PRKG1: variants seen among roughly 807,000 people sequenced by gnomAD.
The protein encoded by PRKG1 is cGMP-dependent protein kinase 1.
Under a neutral mutation model 88.1 loss-of-function variants are expected in PRKG1, and 35 were observed. The ratio of observed to expected loss-of-function variants is 0.40; its 90% CI spans 0.30 to 0.53. PRKG1 has a LOEUF of 0.53. Ranked by LOEUF, PRKG1 falls within the 20% of genes least tolerant of loss-of-function variation. The pLI is 0.59. For missense variants in PRKG1, 540 were observed against 839.8 expected (o/e 0.64, Z 4.41); for synonymous variants, 303 against 292.5 (o/e 1.04, Z -0.37).
chr10:51,351,959 T>C (rs1842258150), intron 2 of PRKG1, among the ~76,000 whole-genome samples: 1 of 152,254 alleles, frequency 6.6e-6, no homozygotes, highest in Admixed American at 6.5e-5. Context: ...GTTTTCTGCA[T>C]ATGGCTAGCC....
chr10:51,710,805 C>T (rs906499720), intron 3 of PRKG1, among the ~76,000 whole-genome samples: 2 of 152,018 alleles, frequency 1.3e-5, no homozygotes, highest in Non-Finnish European at 2.9e-5. Context: ...GTCAATGTGC[C>T]TGTTGATGCC....
chr10:51,233,235 G>A (rs931667061), intron 2 of PRKG1, among the ~76,000 whole-genome samples: 5 of 152,132 alleles, frequency 3.3e-5, no homozygotes, highest in African/African-American at 1.2e-4. Context: ...TGACATTGTT[G>A]TATTCACATA....
chr10:52,234,111 T>C (rs966834531), intron 9 of PRKG1, among the ~76,000 whole-genome samples: 2 of 151,948 alleles, frequency 1.3e-5, no homozygotes, highest in African/African-American at 4.8e-5. Flanking sequence ...GTCCTGTCTG[T>C]TAGAAGGAAA....
At chr10:52,118,712 C>T (rs1007912053) in intron 7 of PRKG1, among the ~76,000 whole-genome samples, 2 of 151,930 alleles carry the variant, frequency 1.3e-5, no homozygotes, top group East Asian at 1.9e-4. Flanking sequence ...ACAGTTGTTT[C>T]CTCTGCTTTT....
intron 2 of PRKG1, among the ~76,000 whole-genome samples, chr10:51,423,690 A>G (rs931609425): frequency 2.0e-5 from 3 of 152,176 alleles, no homozygotes; most frequent in Non-Finnish European, 4.4e-5. Flanking sequence ...CAATATCTAT[A>G]TTATGATGGC....
intron 2 of PRKG1, among the ~76,000 whole-genome samples, chr10:51,242,966 G>C (rs955429578): frequency 6.6e-6 from 1 of 152,168 alleles, no homozygotes; most frequent in Non-Finnish European, 1.5e-5. Context: ...GGAGGCTGGA[G>C]ACCCGGTGTA....
intron 7 of PRKG1, among the ~76,000 whole-genome samples, chr10:52,089,868 G>A (rs1847009955): frequency 7.3e-6 from 1 of 136,286 alleles, no homozygotes; most frequent in Non-Finnish European, 1.5e-5. Context: ...GGAGTGCAGT[G>A]GAGTGGCACA....
intron 2 of PRKG1, among the ~76,000 whole-genome samples, chr10:51,335,320 C>G (rs1841847907): frequency 6.6e-6 from 1 of 151,916 alleles, no homozygotes; most frequent in Non-Finnish European, 1.5e-5. Flanking sequence ...TTTTACTTAC[C>G]ATCTTTGTAT....
chr10:51,041,627 A>G (rs1305403359), intron 1 of PRKG1, among the ~76,000 whole-genome samples: 1 of 152,068 alleles, frequency 6.6e-6, no homozygotes, highest in Non-Finnish European at 1.5e-5. Flanking sequence ...CCCTGGAATT[A>G]GGGCCTGGAA....
At chr10:51,355,677 A>G (rs958984431) in intron 2 of PRKG1, among the ~76,000 whole-genome samples, 1 of 151,846 alleles carries the variant, frequency 6.6e-6, no homozygotes. Flanking sequence ...TTTTTCATTC[A>G]TGAAAGACTG....
chr10:51,757,634 T>A (rs529697885), intron 3 of PRKG1, among the ~76,000 whole-genome samples: 4 of 152,104 alleles, frequency 2.6e-5, no homozygotes, highest in Non-Finnish European at 5.9e-5. Context: ...GCACTTGAAA[T>A]GTGACTAGTC....
rs769407143 is a variant in PRKG1 at position 51,374,082 on chromosome 10, C to CAAAA, written c.479-93632_479-93629dup. Among the ~76,000 whole-genome samples the CAAAA allele has an allele frequency of 1.5e-3, 142 of 95,554 alleles. 5 individuals are homozygous for CAAAA. The highest frequency in any genetic ancestry group is 2.8e-3 in the African/African-American group (75 of 26,574). 62.7% of individuals were successfully genotyped at this position (95,554 alleles called of 152,430 possible). A position where few individuals can be genotyped will look rare whatever the true frequency, so the allele number is the denominator to read the frequency against. On this transcript the variant is annotated intron_variant, in intron 2 of 17. Coordinates refer to ENST00000373980, the MANE Select transcript of PRKG1 (RefSeq NM_006258.4). ...ACTTGAACCTGGCTGGCAGAGGTTG[C>CAAAA]AAAAAAAAAAAATATATATATATAT...
intron 2 of PRKG1, among the ~76,000 whole-genome samples, chr10:51,271,323 T>G (rs189102117): frequency 3.0e-4 from 45 of 152,200 alleles, no homozygotes; most frequent in Middle Eastern, 3.4e-3. Flanking sequence ...TTGCCAAAAG[T>G]GTTTAGTTCC....
At chr10:51,407,396 A>G (rs1837951980) in intron 2 of PRKG1, among the ~76,000 whole-genome samples, 1 of 152,216 alleles carries the variant, frequency 6.6e-6, no homozygotes, top group Non-Finnish European at 1.5e-5. Context: ...AAAGTTAACA[A>G]TACTTAAATG....
chr10:51,789,253 CAT>C (rs1318853102), intron 3 of PRKG1, among the ~76,000 whole-genome samples: 1 of 152,176 alleles, frequency 6.6e-6, no homozygotes, highest in Non-Finnish European at 1.5e-5. Flanking sequence ...ATTTACCAAA[CAT>C]GTGCAGATAT....
At chr10:51,543,984 A>G (rs1420849856) in intron 3 of PRKG1, among the ~76,000 whole-genome samples, 1 of 152,160 alleles carries the variant, frequency 6.6e-6, no homozygotes, top group Non-Finnish European at 1.5e-5. Context: ...GAATGGTGAC[A>G]ATCTAGCCAC....
intron 3 of PRKG1, among the ~76,000 whole-genome samples, chr10:51,721,325 T>C (rs1157960049): frequency 6.6e-6 from 1 of 152,160 alleles, no homozygotes; most frequent in East Asian, 1.9e-4. Flanking sequence ...GGCTTTTTTA[T>C]AGGTTTTATT....
intron 3 of PRKG1, among the ~76,000 whole-genome samples, chr10:51,566,600 A>T (rs1414588530): frequency 6.6e-6 from 1 of 152,054 alleles, no homozygotes. Flanking sequence ...GGCAGGTAAG[A>T]TAGTGAAGGT....
intron 2 of PRKG1, among the ~76,000 whole-genome samples, chr10:51,409,252 T>C (rs1838007831): frequency 1.3e-5 from 2 of 152,030 alleles, no homozygotes; most frequent in South Asian, 4.2e-4. Flanking sequence ...TGTCAACTGA[T>C]CATAGGAAAC....
Sources: gnomAD v4.1 joint callset for allele counts (sites outside exome capture counted in the v4.1 genomes callset) on GRCh38, gnomAD v4.1.1 for gene constraint, MANE v1.5 for transcripts, NCBI Gene and HGNC (gene_info 2026-07-23, HGNC 2026-07-21) for gene names.